The following SAE1 variants were observed in gnomAD, a reference collection of about 807,000 sequenced individuals.
SAE1 encodes the protein SUMO1 activating enzyme subunit 1, also known as SUMO-activating enzyme subunit 1.
In SAE1, 11 loss-of-function variants were observed where a neutral mutation model predicts 40.6. The observed-to-expected ratio is 0.27, with a 90% CI of 0.17 to 0.45. The LOEUF (loss-of-function observed/expected upper bound fraction) is 0.45. SAE1 is among the 20% of genes least tolerant of loss of function. The pLI, the probability that SAE1 is intolerant of heterozygous loss-of-function variation, is 1.00. For missense variants in SAE1, 373 were observed against 427.3 expected (o/e 0.87, Z 1.12); for synonymous variants, 155 against 154.3 (o/e 1.00, Z -0.03).
intron 5 of SAE1, among the ~76,000 whole-genome samples, chr19:47,166,951 T>C (rs2058397134): frequency 6.6e-6 from 1 of 152,038 alleles, no homozygotes; most frequent in Admixed American, 6.6e-5. Flanking sequence ...TCACTAGCAA[T>C]TTGAACTTTT....
intron 7 of SAE1, among the ~76,000 whole-genome samples, chr19:47,197,825 G>A (rs2123312641): frequency 6.6e-6 from 1 of 152,318 alleles, no homozygotes; most frequent in Non-Finnish European, 1.5e-5. Flanking sequence ...ACACTGCAGT[G>A]TGTGACCTTG....
At chr19:47,173,880 G>T (rs1008923224) in intron 6 of SAE1, among the ~76,000 whole-genome samples, 5 of 151,682 alleles carry the variant, frequency 3.3e-5, no homozygotes, top group African/African-American at 1.2e-4. Flanking sequence ...AGCCTCCTGG[G>T]TTCACGCCAT....
chr19:47,163,080 C>T (rs751550530), intron 5 of SAE1, among the ~76,000 whole-genome samples: 1 of 151,848 alleles, frequency 6.6e-6, no homozygotes, highest in South Asian at 2.1e-4. Flanking sequence ...ATCCTACTAC[C>T]AAATGATAAC....
chr19:47,192,053 CAAA>C (rs546857201), intron 6 of SAE1, among the ~76,000 whole-genome samples: 1 of 104,166 alleles, frequency 9.6e-6, no homozygotes, highest in Admixed American at 1.0e-4. Context: ...GACTCTGTCT[CAAA>C]AAAAAAAAAA....
chr19:47,209,357 T>C lies in SAE1; in HGVS notation c.*106T>C. 1.3e-6 allele frequency: 2 copies of C among 1,585,890 alleles called. No individual in the cohort carries two copies. Among genetic ancestry groups the C allele is most frequent in the Non-Finnish European group, 1.7e-6 (2 of 1,161,998 alleles). On this transcript the variant is annotated 3_prime_UTR_variant, in exon 9 of 9. Coordinates refer to ENST00000270225, the MANE Select transcript of SAE1 (RefSeq NM_005500.3). ...CTCCAGGCAAGGAAAACTGAAGTCA[T>C]TGGCCCGATACAAAACATTTCCTGC...
chr19:47,187,328 T>C (rs773984303), intron 6 of SAE1, among the ~76,000 whole-genome samples: 4 of 152,170 alleles, frequency 2.6e-5, no homozygotes, highest in Non-Finnish European at 5.9e-5. Flanking sequence ...GGGACTCCTA[T>C]TGGGTTTCCC....
At chr19:47,181,082 C>T (rs1270436405) in intron 6 of SAE1, among the ~76,000 whole-genome samples, 4 of 151,976 alleles carry the variant, frequency 2.6e-5, no homozygotes, top group Non-Finnish European at 4.4e-5. Flanking sequence ...TTTGGGAAGC[C>T]GAGGCAGGTG....
intron 7 of SAE1, among the ~76,000 whole-genome samples, chr19:47,202,083 A>G (rs1229662172): frequency 6.6e-6 from 1 of 152,128 alleles, no homozygotes; most frequent in Non-Finnish European, 1.5e-5. Context: ...ATTGGAATGG[A>G]TACAGCCTTT....
intron 5 of SAE1, among the ~76,000 whole-genome samples, chr19:47,158,379 C>T (rs1483935647): frequency 6.6e-6 from 1 of 152,182 alleles, no homozygotes; most frequent in African/African-American, 2.4e-5. Context: ...AGTTTGTTTG[C>T]TTCCTTTGGT....
intron 1 of SAE1, among the ~76,000 whole-genome samples, chr19:47,133,865 TG>T (rs1206007270): frequency 1.3e-5 from 2 of 150,500 alleles, no homozygotes; most frequent in East Asian, 1.9e-4. Context: ...TTTTTTTGTT[TG>T]TTTTTTTTTT....
intron 5 of SAE1, among the ~76,000 whole-genome samples, chr19:47,156,295 A>T (rs1364482033): frequency 1.3e-5 from 2 of 151,192 alleles, no homozygotes; most frequent in African/African-American, 4.8e-5. Context: ...AAAACAAAAA[A>T]TTTTTTGTAT....
At chr19:47,169,666 AATAAGC>A in intron 5 of SAE1, 146 bp from the exon 6 acceptor site, 1 of 649,840 alleles carries the variant, frequency 1.5e-6, no homozygotes, top group Non-Finnish European at 2.8e-6. Context: ...GTGAGTGTTC[AATAAGC>A]ATTTCTTGGA....
intron 2 of SAE1, 87 bp from the exon 3 acceptor site, chr19:47,150,115 A>G: frequency 1.2e-6 from 1 of 830,270 alleles, no homozygotes; most frequent in South Asian, 2.3e-5. Context: ...TAGGTATTTT[A>G]GCTATCCTTT....
chr19:47,133,918 A>G (rs1460778937), intron 1 of SAE1, among the ~76,000 whole-genome samples: 1 of 149,568 alleles, frequency 6.7e-6, no homozygotes, highest in Non-Finnish European at 1.5e-5. Context: ...GCTGGAGTGC[A>G]GTGGCATGGT....
intron 6 of SAE1, among the ~76,000 whole-genome samples, chr19:47,171,970 A>G (rs994687943): frequency 1.3e-5 from 2 of 152,028 alleles, no homozygotes; most frequent in Non-Finnish European, 2.9e-5. Context: ...CCCAGGCTGG[A>G]GTGCAGTGGT....
intron 6 of SAE1, among the ~76,000 whole-genome samples, chr19:47,173,699 A>G (rs2058449254): frequency 6.6e-6 from 1 of 152,130 alleles, no homozygotes; most frequent in East Asian, 1.9e-4. Flanking sequence ...AAATGTTTCC[A>G]GACACCACTG....
chr19:47,143,756 A>G (rs2123193988), intron 2 of SAE1, 151 bp downstream of exon 2: 2 of 628,468 alleles, frequency 3.2e-6, no homozygotes, highest in Non-Finnish European at 5.7e-6. Context: ...TGAAGGTGCT[A>G]TTGTTGGGTT....
chr19:47,203,752 C>G lies in SAE1; in HGVS notation c.948+12C>G, dbSNP rs566831440. ...AGGAAATTGTGAAGGTAAAACATCA[C>G]TGTGGAGCAGAAAATTGTTAACCAT... On this transcript the variant is annotated intron_variant, in intron 8 of 8. Coordinates refer to ENST00000270225, the MANE Select transcript of SAE1 (RefSeq NM_005500.3). 3 of 1,610,744 alleles carry G rather than the reference C, an allele frequency of 1.9e-6. No individual in the cohort carries two copies. Among genetic ancestry groups the G allele is most frequent in the Non-Finnish European group, 2.5e-6 (3 of 1,177,000 alleles).
At chr19:47,207,772 C>CT (rs1402480310) in intron 8 of SAE1, among the ~76,000 whole-genome samples, 2 of 152,102 alleles carry the variant, frequency 1.3e-5, no homozygotes, top group Non-Finnish European at 2.9e-5. Context: ...GGCACTGAGA[C>CT]TATAAGCACA....
Sources: allele counts gnomAD v4.1 joint callset (sites outside exome capture counted in the v4.1 genomes callset), GRCh38; gene constraint gnomAD v4.1.1; transcripts MANE v1.5; gene names NCBI Gene and HGNC (gene_info 2026-07-23, HGNC 2026-07-21).